The following PM20D2 variants were observed in gnomAD, a reference collection of about 807,000 sequenced individuals.
The protein encoded by PM20D2 is peptidase M20 domain containing 2, also known as xaa-Arg dipeptidase.
Under a neutral mutation model 42.9 loss-of-function variants are expected in PM20D2, and 33 were observed. That is an observed-to-expected ratio of 0.77 (90% CI 0.58 to 1.03). The LOEUF (loss-of-function observed/expected upper bound fraction) is 1.03. Among genes scored for constraint, PM20D2 ranks in the 50% least tolerant of loss-of-function variants. PM20D2 has a pLI of 0.00. For missense variants in PM20D2, 548 were observed against 557.0 expected (o/e 0.98, Z 0.16); for synonymous variants, 250 against 228.2 (o/e 1.10, Z -0.86).
intron 6 of PM20D2, 49 bp downstream of exon 6, chr6:89,161,939 G>C (rs1395450993): frequency 6.6e-7 from 1 of 1,518,550 alleles, no homozygotes; most frequent in African/African-American, 1.4e-5. Context: ...TCTTCTTCTG[G>C]TAGTAGCTGC....
rs375088682 is a variant in PM20D2 at position 89,161,757 on chromosome 6, C to T, written c.1049-26C>T. On this transcript the variant is annotated intron_variant, in intron 5 of 6. Transcript: ENST00000275072. ...ACTTAACCACATATACTTAAATAGA[C>T]TTTTCTTAACTTTGTGTGTTCCAAG... The T allele has an allele frequency of 1.5e-4, 222 of 1,529,566 alleles. 2 individuals carry two copies. The South Asian group carries it at 1.9e-3, about 13-fold the overall frequency. 94.7% of individuals were successfully genotyped at this position (1,529,566 alleles called of 1,614,324 possible).
At chr6:89,096,433 T>C in the PM20D2 span, 3 of 152,192 alleles carry the variant, frequency 2.0e-5, no homozygotes, top group Non-Finnish European at 1.5e-5. Context: ...TTAAGACATA[T>C]AGAACAGTGC....
chr6:89,094,322 G>C, the PM20D2 span, among the ~76,000 whole-genome samples: 2 of 151,934 alleles, frequency 1.3e-5, no homozygotes, highest in African/African-American at 4.8e-5. Context: ...CCAGTTTCAA[G>C]CGATTCTTCT....
the PM20D2 span, chr6:89,117,736 CCTCCGCCGGGCCTCGGCCGTG>C: frequency 1.5e-6 from 2 of 1,332,504 alleles, no homozygotes; most frequent in Admixed American, 3.7e-5. Context: ...CTCCCCCGAG[CCTCCGCCGGGCCTCGGCCGTG>C]CTCCGCGGCG....
the PM20D2 span, among the ~76,000 whole-genome samples, chr6:89,123,503 A>G: frequency 6.9e-6 from 1 of 144,748 alleles, no homozygotes; most frequent in Non-Finnish European, 1.5e-5. Context: ...GGAGGATTGC[A>G]TAAGGGCAGG....
chr6:89,144,571 G>A (rs1191607499), upstream of PM20D2, among the ~76,000 whole-genome samples: 2 of 152,208 alleles, frequency 1.3e-5, no homozygotes, highest in Non-Finnish European at 2.9e-5. Flanking sequence ...ACATACATCT[G>A]TAAAATGAAG....
the PM20D2 span, among the ~76,000 whole-genome samples, chr6:89,119,725 G>A: frequency 5.9e-5 from 9 of 152,172 alleles, no homozygotes; most frequent in Admixed American, 2.0e-4. Flanking sequence ...AGTCTTTGGT[G>A]GCCCCACACA....
At chr6:89,104,372 G>C in the PM20D2 span, among the ~76,000 whole-genome samples, 1 of 151,838 alleles carries the variant, frequency 6.6e-6, no homozygotes, top group Non-Finnish European at 1.5e-5. Flanking sequence ...GAGTAGCTGG[G>C]ATTACAGGTG....
At chr6:89,155,762 G>T (rs564966468) in intron 4 of PM20D2, among the ~76,000 whole-genome samples, 1 of 152,210 alleles carries the variant, frequency 6.6e-6, no homozygotes. Context: ...AGGCTGGAGC[G>T]CAGTGGTGCA....
the PM20D2 span, among the ~76,000 whole-genome samples, chr6:89,095,114 C>A: frequency 2.6e-5 from 4 of 152,106 alleles, no homozygotes; most frequent in South Asian, 6.2e-4. Flanking sequence ...GTGAAGATAC[C>A]CTGCACCAGA....
In PM20D2 at chr6:89,158,416, G is replaced by A. The variant is rs1771124550; in HGVS notation, c.1004G>A (p.Gly335Glu). 1 of 1,612,410 alleles carries A rather than the reference G, an allele frequency of 6.2e-7. No homozygotes were observed. The highest frequency in any genetic ancestry group is 1.7e-5 in the Admixed American group (1 of 59,468). ...KAYMENGRKL[G>E]IEFISEDTML... ...TATATGGAAAATGGAAGAAAGCTAG[G>A]AATAGAGTTCATTTCAGAAGATACA... Residue 335 changes from glycine to glutamate, a missense_variant, in exon 5 of 7, where the codon GGA becomes GAA. Transcript: ENST00000275072.
intron 1 of PM20D2, among the ~76,000 whole-genome samples, chr6:89,147,944 G>A (rs1770657144): frequency 6.9e-6 from 1 of 145,212 alleles, no homozygotes; most frequent in Non-Finnish European, 1.5e-5. Flanking sequence ...CTGTAGAACC[G>A]CCAAAAAAAA....
chr6:89,124,972 G>GATCCTC, the PM20D2 span, among the ~76,000 whole-genome samples: 1 of 151,904 alleles, frequency 6.6e-6, no homozygotes, highest in Non-Finnish European at 1.5e-5. Context: ...GGCCTCAAGT[G>GATCCTC]ATCCTCCTGC....
At chr6:89,104,969 T>C in the PM20D2 span, 6 of 632,610 alleles carry the variant, frequency 9.5e-6, 1 homozygote, top group East Asian at 1.6e-4. Flanking sequence ...GGTGAGAAAA[T>C]TGCTTGAGTC....
the PM20D2 span, chr6:89,097,761 AGT>A: frequency 6.6e-6 from 1 of 152,244 alleles, no homozygotes; most frequent in Non-Finnish European, 1.5e-5. Context: ...ACAGATGAAA[AGT>A]AGGTATGTGG....
the PM20D2 span, among the ~76,000 whole-genome samples, chr6:89,112,462 T>C: frequency 1.3e-5 from 2 of 150,820 alleles, no homozygotes; most frequent in Non-Finnish European, 3.0e-5. Context: ...TTTTTTTTTT[T>C]TGGAGACAGG....
the PM20D2 span, among the ~76,000 whole-genome samples, chr6:89,135,501 T>C: frequency 6.6e-6 from 1 of 151,292 alleles, no homozygotes; most frequent in African/African-American, 2.5e-5. Context: ...TCTCTTTGAA[T>C]TGGCCACACT....
At chr6:89,138,973 T>C in the PM20D2 span, among the ~76,000 whole-genome samples, 1 of 152,242 alleles carries the variant, frequency 6.6e-6, no homozygotes, top group South Asian at 2.1e-4. Context: ...AAAGGTAGTT[T>C]TAGTGAAGTC....
intron 1 of PM20D2, among the ~76,000 whole-genome samples, chr6:89,148,742 G>T (rs1431798503): frequency 6.6e-6 from 1 of 152,184 alleles, no homozygotes; most frequent in African/African-American, 2.4e-5. Context: ...CTGAAGACTT[G>T]CTCTGTGACC....
Sources: allele counts gnomAD v4.1 joint callset (sites outside exome capture counted in the v4.1 genomes callset), GRCh38; gene constraint gnomAD v4.1.1; transcripts MANE v1.5; gene names NCBI Gene and HGNC (gene_info 2026-07-23, HGNC 2026-07-21).